ABL1: variants seen among roughly 807,000 people sequenced by gnomAD.
ABL1 encodes tyrosine-protein kinase ABL1.
ABL1 carries 11 observed loss-of-function variants against 94.7 expected under a neutral mutation model. The observed-to-expected ratio is 0.12, with a 90% CI of 0.07 to 0.19. ABL1 has a LOEUF of 0.19. ABL1 is among the 10% of genes least tolerant of loss of function. ABL1 has a pLI of 1.00. For missense variants in ABL1, 1,082 were observed against 1,489.4 expected, an observed-to-expected ratio of 0.73 and a Z score of 4.50; for synonymous variants, 656 against 622.4, an observed-to-expected ratio of 1.05 and a Z score of -0.80.
rs1014739915 is a variant in ABL1, at chr9:130,880,824, C to T, written c.1678+160C>T. 6.6e-6 allele frequency among the ~76,000 whole-genome samples: 1 copy of T among 152,226 alleles called. No homozygotes were observed. Among genetic ancestry groups the T allele is most frequent in the Admixed American group, 6.5e-5 (1 of 15,288 alleles). ...CAGCTTCGGAAGGAGGAAGGTTCTC[C>T]TCTCCCCACCTGCCTCCTATCCCCT... On this transcript the variant is annotated intron_variant, in intron 10 of 10. Coordinates refer to ENST00000318560, the MANE Select transcript of ABL1 (RefSeq NM_005157.6). The surrounding 1 kb of genome is among the most constrained non-coding windows in gnomAD (Gnocchi z 4.4).
intron 1 of ABL1, among the ~76,000 whole-genome samples, chr9:130,759,053 A>G (rs1374342859): frequency 1.3e-5 from 2 of 152,062 alleles, no homozygotes; most frequent in Non-Finnish European, 2.9e-5. Flanking sequence ...TATAAAATCC[A>G]CTTTTTGTCG....
chr9:130,714,344 C>T lies in ABL1; in HGVS notation c.25C>T (p.Leu9Phe). ...TATGGGGCAGCAGCCTGGAAAAGTA[C>T]TTGGGGACCAAAGAAGGCCAAGCTT... The change falls in exon 1 of 11, where the codon CTT becomes TTT. Residue 9 changes from leucine to phenylalanine, a missense_variant. Physicochemically the swap from Leu to Phe is conservative, Grantham distance 22. Coordinates refer to the ABL1 transcript ENST00000372348. The T allele has an allele frequency of 6.2e-7, 1 of 1,612,408 alleles. No individual in the cohort carries two copies. Among genetic ancestry groups the T allele is most frequent in the Non-Finnish European group, 8.5e-7 (1 of 1,179,042 alleles).
Position 130,855,650 on chromosome 9 carries a change from G to A in ABL1, c.549+554G>A, listed in dbSNP as rs1440267994. Among the ~76,000 whole-genome samples, 5 of 152,166 alleles carry A rather than the reference G, an allele frequency of 3.3e-5. No homozygotes were observed. In the East Asian group the frequency reaches 7.7e-4, roughly 23 times the overall value. ...CTTACCAAACCCAAAGTGTGGTGTT[G>A]TAAGGGAGGTGGCCTATATGATTTT... On this transcript the variant is annotated intron_variant, in intron 3 of 10. Transcript: ENST00000318560.
intron 1 of ABL1, among the ~76,000 whole-genome samples, chr9:130,739,051 C>T (rs561777719): frequency 1.1e-4 from 17 of 152,172 alleles, no homozygotes; most frequent in African/African-American, 2.6e-4. Context: ...CCACCATGCC[C>T]GGCTAATTTT....
At chr9:130,840,601 A>G (rs1352520658) in intron 1 of ABL1, among the ~76,000 whole-genome samples, 1 of 152,254 alleles carries the variant, frequency 6.6e-6, no homozygotes, top group Non-Finnish European at 1.5e-5. Flanking sequence ...GTGGATCTTA[A>G]TTAAACACAC....
At position 130,809,843 on chromosome 9, in the gene ABL1, T is replaced by A. The variant is rs111861738; in HGVS notation, c.137-44221T>A. On this transcript the variant is annotated intron_variant, in intron 1 of 10. Transcript: ENST00000372348. ...GCCCAGTCAAGTTGACACATAATGT[T>A]AATCATCACAAAAGTCTTGCCTCAA... 5.2e-3 allele frequency among the ~76,000 whole-genome samples: 799 copies of A among 152,320 alleles called. 12 individuals are homozygous for A. The highest frequency in any genetic ancestry group is 0.018 in the African/African-American group (754 of 41,578).
intron 1 of ABL1, among the ~76,000 whole-genome samples, chr9:130,792,654 A>G (rs963914350): frequency 6.6e-6 from 1 of 152,160 alleles, no homozygotes; most frequent in African/African-American, 2.4e-5. Context: ...AGATAGTTCA[A>G]ATAATATGGT....
In ABL1 at chr9:130,880,394, T is replaced by G; in HGVS notation, c.1514-106T>G. 1.5e-6 allele frequency: 2 copies of G among 1,370,438 alleles called. No homozygotes were observed. The highest frequency in any genetic ancestry group is 2.3e-5 in the East Asian group (1 of 43,270). 84.9% of individuals were successfully genotyped at this position (1,370,438 alleles called of 1,614,324 possible). A position where few individuals can be genotyped will look rare whatever the true frequency, so the allele number is the denominator to read the frequency against. On this transcript the variant is annotated intron_variant, in intron 9 of 10. Transcript: ENST00000318560. The surrounding 1 kb of genome is among the most constrained non-coding windows in gnomAD (Gnocchi z 4.4). ...TCCACGTGCCTTTTCTTTAGTTGTATGCAGATGAGCACTGTTACCTTACAA... is the reference window on the plus strand; with the variant it reads ...TCCACGTGCCTTTTCTTTAGTTGTAGGCAGATGAGCACTGTTACCTTACAA...
chr9:130,719,195 A>C (rs1831484246), intron 1 of ABL1, among the ~76,000 whole-genome samples: 1 of 152,074 alleles, frequency 6.6e-6, no homozygotes, highest in Non-Finnish European at 1.5e-5. Context: ...GTCTTTTTAC[A>C]ACAAACTTGG....
At position 130,884,881 on chromosome 9, in the gene ABL1, G is replaced by C. The variant is rs2133037858; in HGVS notation, c.2591G>C (p.Gly864Ala). Reference protein sequence around the residue: ...TSKAGSGAPGGTSKGPAEESR... With the variant: ...TSKAGSGAPGATSKGPAEESR... ...AAAGCAGGCTCAGGTGCACCAGGGG[G>C]CACCAGCAAGGGCCCCGCCGAGGAG... Residue 864 changes from glycine to alanine, a missense_variant, in exon 11 of 11, where the codon GGC becomes GCC. Physicochemically the swap from Gly to Ala is moderately conservative, Grantham distance 60. This residue lies in a region of ABL1 where 780 missense variants were observed against 835.8 expected (regional missense o/e 0.93). Transcript: ENST00000318560. The surrounding 1 kb of genome is among the most constrained non-coding windows in gnomAD (Gnocchi z 5.6). 6.2e-7 allele frequency: 1 copy of C among 1,608,480 alleles called. No homozygotes were observed. Among genetic ancestry groups the C allele is most frequent in the Non-Finnish European group, 8.5e-7 (1 of 1,177,924 alleles).
At chr9:130,733,299 T>A (rs1424229389) in intron 1 of ABL1, among the ~76,000 whole-genome samples, 1 of 152,230 alleles carries the variant, frequency 6.6e-6, no homozygotes, top group Non-Finnish European at 1.5e-5. Context: ...CTCCCAGATT[T>A]GCCTTGGTAG....
chr9:130,870,152 C>T (rs1831229020), intron 4 of ABL1, among the ~76,000 whole-genome samples: 1 of 152,182 alleles, frequency 6.6e-6, no homozygotes. Flanking sequence ...TGGACAAGGT[C>T]TGATTCCAGC....
At chr9:130,819,095 T>C (rs902021804) in intron 1 of ABL1, among the ~76,000 whole-genome samples, 2 of 152,212 alleles carry the variant, frequency 1.3e-5, no homozygotes, top group African/African-American at 4.8e-5. Context: ...GGCTCATGCC[T>C]CTAATCCCAG....
At position 130,884,179 on chromosome 9, in the gene ABL1, G is replaced by A. The variant is rs148775794; in HGVS notation, c.1889G>A (p.Arg630His). The A allele has an allele frequency of 2.2e-5, 35 of 1,612,604 alleles. No homozygotes were observed. The highest frequency in any genetic ancestry group is 1.3e-4 in the Admixed American group (8 of 59,766). Residue 630 changes from arginine (R) to histidine (H), a missense_variant, in exon 11 of 11, where the codon CGC becomes CAC. By Grantham distance (29) the Arg-to-His change is conservative (BLOSUM62 0). Transcript: ENST00000318560. This position sits in a 1 kb window ranked among gnomAD's most constrained non-coding sequence, Gnocchi z 5.6. ...CGGGAGATGGACGGCCAGCCGGAGC[G>A]CAGAGGGGCCGGCGAGGAAGAGGGC... ...SFREMDGQPE[R>H]RGAGEEEGRD...
intron 1 of ABL1, among the ~76,000 whole-genome samples, chr9:130,733,983 G>T (rs1385944226): frequency 1.3e-5 from 2 of 152,068 alleles, no homozygotes; most frequent in South Asian, 2.1e-4. Flanking sequence ...TGTGCTTTGG[G>T]TAGTCGTGTT....
rs779886388 is a variant in ABL1 at position 130,885,383 on chromosome 9, G to A, written c.3093G>A (p.Val1031=). The A allele has an allele frequency of 3.0e-5, 48 of 1,613,542 alleles. No homozygotes were observed. In the East Asian group the frequency reaches 1.1e-3, roughly 36 times the overall value. ...RIASGAITKG[V]VLDSTEALCL... ...CCAGCGGCGCCATCACCAAGGGCGTGGTCCTGGACAGCACCGAGGCGCTGT... is the reference window on the plus strand; with the variant it reads ...CCAGCGGCGCCATCACCAAGGGCGTAGTCCTGGACAGCACCGAGGCGCTGT... Residue 1031 remains valine, a synonymous_variant, in exon 11 of 11, where the codon GTG becomes GTA. Coordinates refer to ENST00000318560, the MANE Select transcript of ABL1 (RefSeq NM_005157.6).
intron 1 of ABL1, among the ~76,000 whole-genome samples, chr9:130,717,825 C>T (rs866157248): frequency 4.3e-4 from 66 of 151,758 alleles, no homozygotes; most frequent in African/African-American, 1.5e-3. Context: ...ACCAGCCTGA[C>T]TAACATGGAG....
intron 1 of ABL1, among the ~76,000 whole-genome samples, chr9:130,759,051 C>G (rs1412936852): frequency 2.6e-5 from 4 of 152,036 alleles, no homozygotes; most frequent in Non-Finnish European, 4.4e-5. Context: ...CGTATAAAAT[C>G]CACTTTTTGT....
chr9:130,828,346 G>T (rs1830453826), intron 1 of ABL1, among the ~76,000 whole-genome samples: 1 of 145,804 alleles, frequency 6.9e-6, no homozygotes, highest in Non-Finnish European at 1.5e-5. Flanking sequence ...GGGATTATAG[G>T]CATGAGCCAC....
Sources: allele counts gnomAD v4.1 joint callset (sites outside exome capture counted in the v4.1 genomes callset), GRCh38; gene constraint gnomAD v4.1.1; regional missense constraint gnomAD v4.1.1; non-coding constraint Gnocchi (gnomAD v3.1); transcripts MANE v1.5; gene names NCBI Gene and HGNC (gene_info 2026-07-23, HGNC 2026-07-21).